TMEM131: variants seen among roughly 807,000 people sequenced by gnomAD.
The protein encoded by TMEM131 is 2610524E03Rik.
TMEM131 carries 66 observed loss-of-function variants against 211.6 expected under a neutral mutation model. The ratio of observed to expected loss-of-function variants is 0.31; its 90% CI spans 0.26 to 0.38. TMEM131 has a LOEUF of 0.38. TMEM131 is among the 10% of genes least tolerant of loss of function. TMEM131 has a pLI of 1.00. For missense variants in TMEM131, 2,036 were observed against 2,299.3 expected (o/e 0.89, Z 2.34); for synonymous variants, 844 against 841.3 (o/e 1.00, Z -0.06).
intron 1 of TMEM131, among the ~76,000 whole-genome samples, chr2:97,976,960 C>CAGCAA (rs1679564418): frequency 8.9e-6 from 1 of 112,188 alleles, no homozygotes; most frequent in Non-Finnish European, 1.8e-5. Flanking sequence ...TATTTATATG[C>CAGCAA]AAAAAAAAAA....
In TMEM131 at chr2:97,788,713, C is replaced by T. The variant is rs1051460874; in HGVS notation, c.4144+3673G>A. Among the ~76,000 whole-genome samples the T allele has an allele frequency of 7.7e-4, 118 of 152,280 alleles. 1 individual carries two copies. The highest frequency in any genetic ancestry group is 2.6e-3 in the African/African-American group (110 of 41,534). On this transcript the variant is annotated intron_variant, in intron 31 of 40. Coordinates refer to ENST00000186436, the MANE Select transcript of TMEM131 (RefSeq NM_015348.2). Reference sequence around the variant, plus strand: ...TGGGTCTTGCTCCCATTCTGCCCAGCGCTGCCTTACTGGAAAACCGTAGCA... The same window carrying T: ...TGGGTCTTGCTCCCATTCTGCCCAGTGCTGCCTTACTGGAAAACCGTAGCA...
intron 22 of TMEM131, among the ~76,000 whole-genome samples, chr2:97,803,607 A>T (rs1432955782): frequency 6.6e-6 from 1 of 152,228 alleles, no homozygotes; most frequent in Non-Finnish European, 1.5e-5. Context: ...GTAAGAGTAC[A>T]AGTTTATATG....
chr2:97,951,425 G>A (rs2104532568), intron 1 of TMEM131, among the ~76,000 whole-genome samples: 1 of 152,240 alleles, frequency 6.6e-6, no homozygotes, highest in East Asian at 1.9e-4. Context: ...CAGACCTGAG[G>A]GGTGAATAAG....
chr2:97,789,343 T>C (rs1680393868), intron 31 of TMEM131, among the ~76,000 whole-genome samples: 1 of 152,228 alleles, frequency 6.6e-6, no homozygotes, highest in African/African-American at 2.4e-5. Flanking sequence ...ACCAAGTTCC[T>C]AACAGATGCT....
intron 1 of TMEM131, among the ~76,000 whole-genome samples, chr2:97,936,319 G>C (rs1370243831): frequency 6.6e-6 from 1 of 152,230 alleles, no homozygotes; most frequent in Non-Finnish European, 1.5e-5. Flanking sequence ...AGAAGGTCCT[G>C]TGTACGCATC....
chr2:97,805,617 A>G lies in TMEM131; in HGVS notation c.2142T>C (p.Asp714=). Residue 714 remains aspartate (D), a synonymous_variant, in exon 20 of 41, where the codon GAT becomes GAC. Transcript: ENST00000186436. ...GTAATCGTTTATAGTAAAATCGCAC[A>G]TCTTCTGACAAAGATCGTATTTGCT... The part of the protein sequence containing the change: ...KIQQIRSLSE[D]VRFYYKRLRG... 1 of 1,611,748 alleles carries G rather than the reference A, an allele frequency of 6.2e-7. No individual in the cohort carries two copies. Among genetic ancestry groups the G allele is most frequent in the South Asian group, 1.1e-5 (1 of 90,772 alleles).
intron 1 of TMEM131, among the ~76,000 whole-genome samples, chr2:97,971,648 T>C (rs1407881017): frequency 6.6e-6 from 1 of 152,240 alleles, no homozygotes; most frequent in Non-Finnish European, 1.5e-5. Context: ...TTTTAAAGTA[T>C]AGGTTTGTAG....
At chr2:97,809,595 AT>A in intron 19 of TMEM131, 92 bp downstream of exon 19, 2 of 845,236 alleles carry the variant, frequency 2.4e-6, no homozygotes, top group South Asian at 3.0e-5. Flanking sequence ...CTAATAAAGA[AT>A]AACTGACTTT....
chr2:97,878,788 T>A (rs1275472138), intron 4 of TMEM131, among the ~76,000 whole-genome samples: 1 of 152,072 alleles, frequency 6.6e-6, no homozygotes, highest in Admixed American at 6.5e-5. Flanking sequence ...ATGGCACATG[T>A]GTACCTATGT....
chr2:97,985,253 A>C (rs1279179598), intron 1 of TMEM131, among the ~76,000 whole-genome samples: 19 of 152,168 alleles, frequency 1.2e-4, no homozygotes, highest in Non-Finnish European at 4.4e-5. Flanking sequence ...AGCTCTAGCC[A>C]AAGCAATAAT....
At chr2:97,834,179 TTTAC>T (rs1377221741) in intron 10 of TMEM131, among the ~76,000 whole-genome samples, 1 of 152,200 alleles carries the variant, frequency 6.6e-6, no homozygotes, top group East Asian at 1.9e-4. Flanking sequence ...AGCAAAAATC[TTTAC>T]TTAGTTGTTT....
chr2:97,991,983 T>C (rs948942166), intron 1 of TMEM131, among the ~76,000 whole-genome samples: 1 of 152,116 alleles, frequency 6.6e-6, no homozygotes, highest in South Asian at 2.1e-4. Flanking sequence ...ACACACTTTT[T>C]CCAACTACAA....
intron 6 of TMEM131, among the ~76,000 whole-genome samples, chr2:97,843,349 A>G (rs576996297): frequency 1.4e-4 from 22 of 152,258 alleles, no homozygotes; most frequent in Middle Eastern, 3.4e-3. Context: ...GTTTTTCTTC[A>G]TTTAGAGATG....
chr2:97,995,758 G>T lies in TMEM131; in HGVS notation c.-96C>A. On this transcript the variant is annotated 5_prime_UTR_variant, in exon 1 of 41. Coordinates refer to ENST00000186436, the MANE Select transcript of TMEM131 (RefSeq NM_015348.2). ...AAGCCGTGGTCCGGGCTCTGGCCGC[G>T]GCGCCGGGAGCGACAACGGTTGCGA... The T allele has an allele frequency of 1.0e-6, 1 of 959,088 alleles. No individual in the cohort carries two copies. Among genetic ancestry groups the T allele is most frequent in the Non-Finnish European group, 1.3e-6 (1 of 770,550 alleles). 59.4% of individuals were successfully genotyped at this position (959,088 alleles called of 1,614,324 possible).
chr2:97,906,478 T>C (rs1231654732), intron 3 of TMEM131, among the ~76,000 whole-genome samples: 2 of 152,168 alleles, frequency 1.3e-5, no homozygotes, highest in African/African-American at 4.8e-5. Flanking sequence ...TCTAGGCCAA[T>C]CTAAGTGACT....
intron 1 of TMEM131, among the ~76,000 whole-genome samples, chr2:97,965,939 T>C (rs1201260392): frequency 2.0e-5 from 3 of 151,676 alleles, no homozygotes; most frequent in Non-Finnish European, 4.4e-5. Context: ...GAGCTAAAAA[T>C]TTGAGTAGAA....
chr2:97,840,564 T>C (rs879285565), intron 7 of TMEM131, among the ~76,000 whole-genome samples: 1 of 152,170 alleles, frequency 6.6e-6, no homozygotes, highest in Non-Finnish European at 1.5e-5. Context: ...CACTCCAGTT[T>C]GAGTGACAGA....
intron 4 of TMEM131, among the ~76,000 whole-genome samples, chr2:97,884,591 C>T (rs577475172): frequency 6.6e-6 from 1 of 152,152 alleles, no homozygotes; most frequent in Non-Finnish European, 1.5e-5. Context: ...CTTTTTATAT[C>T]TGGGTGCTCT....
intron 3 of TMEM131, among the ~76,000 whole-genome samples, chr2:97,893,734 G>A (rs542107391): frequency 6.6e-6 from 1 of 150,992 alleles, no homozygotes; most frequent in African/African-American, 2.4e-5. Flanking sequence ...CTTTTTGATG[G>A]TTTTTTTTTC....
Sources: allele counts gnomAD v4.1 joint callset (sites outside exome capture counted in the v4.1 genomes callset), GRCh38; gene constraint gnomAD v4.1.1; transcripts MANE v1.5; gene names NCBI Gene and HGNC (gene_info 2026-07-23, HGNC 2026-07-21).